Variants in PSAP observed in about 807,000 individuals in gnomAD.
The protein encoded by PSAP is prosaposin.
Under a neutral mutation model 66.0 loss-of-function variants are expected in PSAP, and 25 were observed. The observed-to-expected ratio is 0.38, with a 90% CI of 0.28 to 0.53. The LOEUF is 0.53. Ranked by LOEUF, PSAP falls within the 20% of genes least tolerant of loss-of-function variation. The probability of loss-of-function intolerance (pLI) is 0.83; values close to 1 mark genes in which losing one functional copy is unlikely to be tolerated. For synonymous variants in PSAP, 273 were observed against 258.9 expected, an observed-to-expected ratio of 1.05 and a Z score of -0.52; for missense variants, 649 against 668.8, an observed-to-expected ratio of 0.97 and a Z score of 0.33.
rs1389422529 is a variant in PSAP at position 71,819,634 on chromosome 10, G to A, written c.1193-12C>T. The A allele has an allele frequency of 1.2e-6, 2 of 1,614,132 alleles. No homozygotes were observed. The highest frequency in any genetic ancestry group is 8.5e-7 in the Non-Finnish European group (1 of 1,180,028). Reference sequence around the variant, plus strand: ...CTGAGTCACGTGAACTACATAAGAGGGCAGCGGGCTCAACGCTGGCAGGGC... The same window carrying A: ...CTGAGTCACGTGAACTACATAAGAGAGCAGCGGGCTCAACGCTGGCAGGGC... On this transcript the variant is annotated splice_polypyrimidine_tract_variant and intron_variant, in intron 10 of 13. Coordinates refer to ENST00000394936, the MANE Select transcript of PSAP (RefSeq NM_002778.4).
intron 4 of PSAP, among the ~76,000 whole-genome samples, chr10:71,829,911 T>A (rs1048628976): frequency 2.0e-5 from 3 of 152,004 alleles, no homozygotes; most frequent in African/African-American, 4.8e-5. Flanking sequence ...GATGGGAGAA[T>A]CACTTGAACC....
Position 71,820,383 on chromosome 10 carries a change from C to T in PSAP, c.910-48G>A, listed in dbSNP as rs1451429165. 3 of 1,524,604 alleles carry T rather than the reference C, an allele frequency of 2.0e-6. No individual in the cohort carries two copies. The South Asian group carries it at 3.4e-5, about 17-fold the overall frequency. 94.4% of individuals were successfully genotyped at this position (1,524,604 alleles called of 1,614,324 possible). A position where few individuals can be genotyped will look rare whatever the true frequency, so the allele number is the denominator to read the frequency against. The stretch of plus-strand genomic sequence containing the variant: ...GTACTTTCAATGCTGGGACTCACAG[C>T]CCTTGGTCTTGCTCCCCTAAAGGAA... On this transcript the variant is annotated intron_variant, in intron 8 of 13. Coordinates refer to ENST00000394936, the MANE Select transcript of PSAP (RefSeq NM_002778.4).
intron 1 of PSAP, among the ~76,000 whole-genome samples, chr10:71,835,174 G>A (rs1202207553): frequency 2.6e-5 from 4 of 151,676 alleles, no homozygotes; most frequent in Admixed American, 1.3e-4. Flanking sequence ...TCCGGGAGGC[G>A]GAGCTGGCAG....
At chr10:71,844,673 GAAATTACAT>G in intron 1 of PSAP, 1 of 152,232 alleles carries the variant, frequency 6.6e-6, no homozygotes. Context: ...GTCAAAAAAA[GAAATTACAT>G]AAATGGAATA....
intron 1 of PSAP, among the ~76,000 whole-genome samples, chr10:71,835,634 C>CA (rs1364029804): frequency 6.6e-6 from 1 of 151,734 alleles, no homozygotes; most frequent in African/African-American, 2.4e-5. Flanking sequence ...ATTTTAGAAC[C>CA]AAAAAAATGG....
At chr10:71,820,383 C>A in intron 8 of PSAP, 48 bp from the exon 9 acceptor site, 2 of 1,524,604 alleles carry the variant, frequency 1.3e-6, no homozygotes, top group Non-Finnish European at 1.8e-6. Context: ...GGACTCACAG[C>A]CCTTGGTCTT....
chr10:71,835,856 G>C (rs1049326108), intron 1 of PSAP, among the ~76,000 whole-genome samples: 1 of 146,672 alleles, frequency 6.8e-6, no homozygotes, highest in African/African-American at 2.6e-5. Context: ...ACAATCACCT[G>C]AGAAACACAC....
chr10:71,832,741 C>G (rs1026321934), intron 2 of PSAP, among the ~76,000 whole-genome samples: 1 of 151,986 alleles, frequency 6.6e-6, no homozygotes, highest in African/African-American at 2.4e-5. Context: ...GGAACCATAT[C>G]AAGAGAGGGC....
intron 1 of PSAP, 32 bp downstream of exon 1, chr10:71,851,150 C>T (rs1842920663): frequency 6.5e-7 from 1 of 1,550,230 alleles, no homozygotes; most frequent in Non-Finnish European, 8.7e-7. Context: ...TGCGAGGCAC[C>T]TCCTCCCCAG....
intron 1 of PSAP, among the ~76,000 whole-genome samples, chr10:71,846,724 C>T: frequency 9.5e-6 from 1 of 105,766 alleles, no homozygotes. Flanking sequence ...AGAGTAAGAC[C>T]CTGTCTCAAA....
At chr10:71,834,236 CCA>C in intron 2 of PSAP, 134 bp downstream of exon 2, 1 of 1,407,640 alleles carries the variant, frequency 7.1e-7, no homozygotes, top group Admixed American at 1.8e-5. Flanking sequence ...GTCCTGCCTC[CCA>C]CACAGAGTCA....
chr10:71,820,437 C>T, intron 8 of PSAP, 102 bp from the exon 9 acceptor site: 1 of 918,036 alleles, frequency 1.1e-6, no homozygotes, highest in Non-Finnish European at 1.8e-6. Flanking sequence ...GGTGGGTTAG[C>T]ACATCAAGGG....
chr10:71,851,223 G>T lies in PSAP; in HGVS notation c.-2C>A. The T allele has an allele frequency of 6.4e-7, 1 of 1,551,082 alleles. No individual in the cohort carries two copies. On this transcript the variant is annotated 5_prime_UTR_variant, in exon 1 of 14. Transcript: ENST00000394936. ...GGCCAGGAGGAAGAGGGCGTACATA[G>T]CGCCGTCTGACTCCGCAGTCTGCAA...
chr10:71,831,765 A>G (rs764107474), intron 3 of PSAP, 81 bp downstream of exon 3: 1 of 1,388,140 alleles, frequency 7.2e-7, no homozygotes, highest in East Asian at 2.3e-5. Flanking sequence ...ATTCCTCTTT[A>G]GACACCCGGA....
rs540301101 is a variant in PSAP, at chr10:71,825,280, G to A, written c.777+557C>T. ...AGGAGGCAGTGCCCGTTCCCAACGTGAGCAGGCCGCCCTGCTCTGCGTGGA... is the reference window on the plus strand; with the variant it reads ...AGGAGGCAGTGCCCGTTCCCAACGTAAGCAGGCCGCCCTGCTCTGCGTGGA... On this transcript the variant is annotated intron_variant, in intron 7 of 13. Transcript: ENST00000394936. Among the ~76,000 whole-genome samples the A allele has an allele frequency of 9.2e-5, 14 of 152,322 alleles. No individual in the cohort carries two copies. In the East Asian group the frequency reaches 2.7e-3, roughly 29 times the overall value.
chr10:71,833,651 T>C, intron 2 of PSAP, among the ~76,000 whole-genome samples: 1 of 152,196 alleles, frequency 6.6e-6, no homozygotes, highest in Non-Finnish European at 1.5e-5. Flanking sequence ...CAGCCCCAAG[T>C]GAGCCCAGGG....
chr10:71,822,969 ATAAATAAT>A (rs1168411382), intron 7 of PSAP, among the ~76,000 whole-genome samples: 1 of 151,600 alleles, frequency 6.6e-6, no homozygotes, highest in Non-Finnish European at 1.5e-5. Flanking sequence ...AAATAAATAA[ATAAATAAT>A]AAGAACGCAG....
chr10:71,824,895 T>G (rs373594431), intron 7 of PSAP, among the ~76,000 whole-genome samples: 3 of 152,376 alleles, frequency 2.0e-5, no homozygotes, highest in East Asian at 3.9e-4. Flanking sequence ...TTCAGGTGCA[T>G]GTCTCTGTAA....
chr10:71,827,960 C>T, intron 6 of PSAP, 54 bp downstream of exon 6: 1 of 1,611,202 alleles, frequency 6.2e-7, no homozygotes. Flanking sequence ...CCAGCCTCCA[C>T]AGCCCAACTC....
Sources: gnomAD v4.1 joint callset for allele counts (sites outside exome capture counted in the v4.1 genomes callset) on GRCh38, gnomAD v4.1.1 for gene constraint, MANE v1.5 for transcripts, NCBI Gene and HGNC (gene_info 2026-07-23, HGNC 2026-07-21) for gene names.